Variants in ZBTB18 observed in about 807,000 individuals in gnomAD.
ZBTB18 encodes zinc finger and BTB domain-containing protein 18.
ZBTB18 carries 2 observed loss-of-function variants against 37.7 expected under a neutral mutation model. The observed-to-expected ratio is 0.05, with a 90% CI of 0.02 to 0.17. The LOEUF is 0.17. Among genes scored for constraint, ZBTB18 ranks in the 10% least tolerant of loss-of-function variants. ZBTB18 has a pLI of 1.00. For missense variants in ZBTB18, 408 were observed against 686.3 expected, an observed-to-expected ratio of 0.59 and a Z score of 4.53; for synonymous variants, 304 against 276.5, an observed-to-expected ratio of 1.10 and a Z score of -0.99.
chr1:244,051,596 A>T (rs1198447047), intron 1 of ZBTB18, 152 bp downstream of exon 1: 1 of 848,438 alleles, frequency 1.2e-6, no homozygotes, highest in Non-Finnish European at 1.8e-6. Context: ...GAAAGTCTTG[A>T]GCTTGTTTAG....
chr1:244,048,669 C>A (rs1698284271), upstream of ZBTB18, among the ~76,000 whole-genome samples: 2 of 143,468 alleles, frequency 1.4e-5, no homozygotes, highest in Admixed American at 1.4e-4. Flanking sequence ...CCCGGCGGCT[C>A]CGCGCTCGCT....
At position 244,051,378 on chromosome 1, in the gene ZBTB18, G is replaced by C; in HGVS notation, c.-54G>C. 2 of 1,606,182 alleles carry C rather than the reference G, an allele frequency of 1.2e-6. No homozygotes were observed. Among genetic ancestry groups the C allele is most frequent in the Non-Finnish European group, 1.7e-6 (2 of 1,176,652 alleles). On this transcript the variant is annotated 5_prime_UTR_variant, in exon 1 of 2. Coordinates refer to ENST00000358704, the MANE Select transcript of ZBTB18 (RefSeq NM_205768.3). ...TCTCTTAGTCTGCTTTTTTTCCACC[G>C]ATGTAACAGACCTGGAGCCAGCAGG...
chr1:244,052,211 T>C (rs1698369101), intron 1 of ZBTB18, among the ~76,000 whole-genome samples: 2 of 152,210 alleles, frequency 1.3e-5, no homozygotes. Flanking sequence ...CTGGATCAGA[T>C]GTTTATAAGC....
chr1:244,050,346 C>G (rs1698322247), upstream of ZBTB18, among the ~76,000 whole-genome samples: 1 of 152,102 alleles, frequency 6.6e-6, no homozygotes, highest in African/African-American at 2.4e-5. Flanking sequence ...TTAGAAAAGA[C>G]CCACAAACTG....
At position 244,054,926 on chromosome 1, in the gene ZBTB18, C is replaced by T. The variant is rs1385939132; in HGVS notation, c.1152C>T (p.Cys384=). 1.2e-6 allele frequency: 2 copies of T among 1,614,036 alleles called. No individual in the cohort carries two copies. Among genetic ancestry groups the T allele is most frequent in the Non-Finnish European group, 1.7e-6 (2 of 1,180,028 alleles). ...GCCAGATCTTCATGTGCCCCCTGTG[C>T]AACAAGGTCTTCCCCAGCCCCCACA... ...PAGQIFMCPL[C]NKVFPSPHIL... The change falls in exon 2 of 2, where the codon TGC becomes TGT. Residue 384 remains cysteine, a synonymous_variant. Transcript: ENST00000358704. The surrounding 1 kb of genome is among the most constrained non-coding windows in gnomAD (Gnocchi z 9.0).
At chr1:244,049,008 C>G (rs1268135747), upstream of ZBTB18, 1 of 147,930 alleles carries the variant, frequency 6.8e-6, no homozygotes, top group Non-Finnish European at 1.5e-5. Context: ...GTCCCGGCGC[C>G]GGCCCCTGGC....
chr1:244,054,302 G>A lies in ZBTB18; in HGVS notation c.528G>A (p.Leu176=), dbSNP rs201120659. Reference sequence around the variant, plus strand: ...AAGATGAAGGAGAAGATGAAAAATTGAACATCCTGCCCAGCAAAAGGGACT... The same window carrying A: ...AAGATGAAGGAGAAGATGAAAAATTAAACATCCTGCCCAGCAAAAGGGACT... ...SDEDEGEDEK[L]NILPSKRDLA... is the part of the protein sequence containing the mutation. Residue 176 remains leucine, a synonymous_variant, in exon 2 of 2, where the codon TTG becomes TTA. Coordinates refer to ENST00000358704, the MANE Select transcript of ZBTB18 (RefSeq NM_205768.3). This position sits in a 1 kb window ranked among gnomAD's most constrained non-coding sequence, Gnocchi z 9.0. 52 of 1,614,180 alleles carry A rather than the reference G, an allele frequency of 3.2e-5. No homozygotes were observed. The highest frequency in any genetic ancestry group is 2.7e-4 in the East Asian group (12 of 44,862).
Position 244,051,333 on chromosome 1 carries a change from A to G in ZBTB18, c.-99A>G. Reference sequence around the variant, plus strand: ...AGGTATCTCATTCCTCTCTAACATCATCTCCACTTTGCATCTGTCTCTCTT... The same window carrying G: ...AGGTATCTCATTCCTCTCTAACATCGTCTCCACTTTGCATCTGTCTCTCTT... On this transcript the variant is annotated 5_prime_UTR_variant, in exon 1 of 2. Transcript: ENST00000358704. 1 of 1,313,236 alleles carries G rather than the reference A, an allele frequency of 7.6e-7. No individual in the cohort carries two copies. Among genetic ancestry groups the G allele is most frequent in the Non-Finnish European group, 1.1e-6 (1 of 915,802 alleles). 81.3% of individuals were successfully genotyped at this position (1,313,236 alleles called of 1,614,324 possible).
rs1274337034 is a variant in ZBTB18 at position 244,054,191 on chromosome 1, G to A, written c.417G>A (p.Lys139=). ...CCACGGAGGCAGACAGCACCAAAAA[G>A]GAAGAAGATGCTTCAAGTTGTTCGG... ...KATTEADSTK[K]EEDASSCSDK... The change falls in exon 2 of 2, where the codon AAG becomes AAA. Residue 139 remains lysine (K), a synonymous_variant. Coordinates refer to ENST00000358704, the MANE Select transcript of ZBTB18 (RefSeq NM_205768.3). This position sits in a 1 kb window ranked among gnomAD's most constrained non-coding sequence, Gnocchi z 9.0. 6.2e-7 allele frequency: 1 copy of A among 1,614,056 alleles called. No individual in the cohort carries two copies. Among genetic ancestry groups the A allele is most frequent in the African/African-American group, 1.3e-5 (1 of 74,934 alleles).
rs776478480 is a variant in ZBTB18, at chr1:244,054,894, C to A, written c.1120C>A (p.Pro374Thr). The change falls in exon 2 of 2, where the codon CCC (proline) becomes ACC (threonine). Residue 374 changes from proline to threonine, a missense_variant. Physicochemically the swap from Pro to Thr is conservative, Grantham distance 38. Transcript: ENST00000358704. This position sits in a 1 kb window ranked among gnomAD's most constrained non-coding sequence, Gnocchi z 9.0. ...LLPYVSNILS[P>T]AGQIFMCPLC... ...CCCCTACGTCTCCAACATCCTGAGC[C>A]CCGCGGGCCAGATCTTCATGTGCCC... 6 of 1,614,126 alleles carry A rather than the reference C, an allele frequency of 3.7e-6. No homozygotes were observed. The highest frequency in any genetic ancestry group is 5.1e-6 in the Non-Finnish European group (6 of 1,180,038).
In ZBTB18 at chr1:244,056,765, TTAG is replaced by T. The variant is rs1287150862; in HGVS notation, c.*1399_*1401del. ...GCCTTGATTGACATGGGGAAGGGGG[TTAG>T]TAGACTATGTGGATTGCGGCAGCAG... On this transcript the variant is annotated 3_prime_UTR_variant, in exon 2 of 2. Transcript: ENST00000358704. 4 of 151,994 alleles carry T rather than the reference TTAG, an allele frequency of 2.6e-5. No individual in the cohort carries two copies. The highest frequency in any genetic ancestry group is 1.1e-4 in the African/African-American group (4 of 36,638). The allele number at this position is 151,994 out of a possible 1,614,324, so 9.4% of individuals were successfully genotyped here.
upstream of ZBTB18, among the ~76,000 whole-genome samples, chr1:244,049,712 T>G (rs994563993): frequency 6.6e-6 from 1 of 152,192 alleles, no homozygotes; most frequent in Non-Finnish European, 1.5e-5. Context: ...CCCGTGTGTT[T>G]TATGCACGGC....
rs181953360 is a variant in ZBTB18 at position 244,057,248 on chromosome 1, C to T, written c.*1878C>T. ...CAATGTCTGTGAGAAAACGGACTTT[C>T]TTTTGGATTTTCTTTTTGTGGTCAT... On this transcript the variant is annotated 3_prime_UTR_variant, in exon 2 of 2. Transcript: ENST00000358704. The T allele has an allele frequency of 4.2e-5, 7 of 167,068 alleles. No individual in the cohort carries two copies. The highest frequency in any genetic ancestry group is 1.4e-4 in the African/African-American group (6 of 41,542). The allele number at this position is 167,068 out of a possible 1,614,324, so 10.3% of individuals were successfully genotyped here.
rs181192110 is a variant in ZBTB18, at chr1:244,051,479, C to G, written c.13+35C>G. The G allele has an allele frequency of 1.4e-4, 226 of 1,612,556 alleles. 1 individual carries two copies. In the African/African-American group the frequency reaches 2.9e-3, roughly 20 times the overall value. On this transcript the variant is annotated intron_variant, in intron 1 of 1. Transcript: ENST00000358704. ...GCAAGAGATTAGATTGAGCATATTT[C>G]TGTTTTGGTGTTTTGTTTATTTAAT... is the stretch of plus-strand genomic sequence containing the variant.
Position 244,051,391 on chromosome 1 carries a change from T to C in ZBTB18, c.-41T>C. On this transcript the variant is annotated 5_prime_UTR_variant, in exon 1 of 2. Coordinates refer to ENST00000358704, the MANE Select transcript of ZBTB18 (RefSeq NM_205768.3). Reference sequence around the variant, plus strand: ...TTTTTTTCCACCGATGTAACAGACCTGGAGCCAGCAGGACTCAGAGGAAAG... The same window carrying C: ...TTTTTTTCCACCGATGTAACAGACCCGGAGCCAGCAGGACTCAGAGGAAAG... The C allele has an allele frequency of 6.2e-7, 1 of 1,613,382 alleles. No individual in the cohort carries two copies. The highest frequency in any genetic ancestry group is 8.5e-7 in the Non-Finnish European group (1 of 1,179,750).
chr1:244,051,291 C>A lies in ZBTB18; in HGVS notation c.-141C>A. 1 of 830,172 alleles carries A rather than the reference C, an allele frequency of 1.2e-6. No individual in the cohort carries two copies. Among genetic ancestry groups the A allele is most frequent in the Non-Finnish European group, 1.9e-6 (1 of 514,928 alleles). The allele number at this position is 830,172 out of a possible 1,614,324, so 51.4% of individuals were successfully genotyped here. ...CACACAGACAGGGAGTTAGTGTGTG[C>A]GGATCTGTGGTGGAGAAGGTATCTC... On this transcript the variant is annotated 5_prime_UTR_variant, in exon 1 of 2. Transcript: ENST00000358704.
rs1698463459 is a variant in ZBTB18 at position 244,056,145 on chromosome 1, A to G, written c.*775A>G. 1 of 167,104 alleles carries G rather than the reference A, an allele frequency of 6.0e-6. No homozygotes were observed. The highest frequency in any genetic ancestry group is 1.5e-5 in the Non-Finnish European group (1 of 68,118). 10.4% of individuals were successfully genotyped at this position (167,104 alleles called of 1,614,324 possible). On this transcript the variant is annotated 3_prime_UTR_variant, in exon 2 of 2. Transcript: ENST00000358704. ...TGTTGATGCTCTTAGTTGAGTCTTG[A>G]AAAGTAAATATTAACGCTACAGAAA...
chr1:244,054,452 C>T lies in ZBTB18; in HGVS notation c.678C>T (p.Ser226=). ...AAGKTVASPC[S]STESLSQRSV... is the part of the protein sequence containing the mutation. ...GAAAAACAGTAGCCAGCCCCTGCAG[C>T]TCAACAGAGTCTTTGTCCCAGAGGT... Residue 226 remains serine, a synonymous_variant, in exon 2 of 2, where the codon AGC becomes AGT. Transcript: ENST00000358704. This position sits in a 1 kb window ranked among gnomAD's most constrained non-coding sequence, Gnocchi z 9.0. 1 of 1,614,192 alleles carries T rather than the reference C, an allele frequency of 6.2e-7. No homozygotes were observed. The highest frequency in any genetic ancestry group is 1.3e-5 in the African/African-American group (1 of 75,052).
rs1178275189 is a variant in ZBTB18 at position 244,055,756 on chromosome 1, CT to C, written c.*387del. ...GTTTTTTTTTTTAAGTAGAAATTCC[CT>C]CCAGTTTTATTAGCCTCTTTATATG... On this transcript the variant is annotated 3_prime_UTR_variant, in exon 2 of 2. Coordinates refer to ENST00000358704, the MANE Select transcript of ZBTB18 (RefSeq NM_205768.3). The surrounding 1 kb of genome is among the most constrained non-coding windows in gnomAD (Gnocchi z 7.0). 1.8e-5 allele frequency: 3 copies of C among 166,424 alleles called. No individual in the cohort carries two copies. Among genetic ancestry groups the C allele is most frequent in the African/African-American group, 7.3e-5 (3 of 41,252 alleles). The allele number at this position is 166,424 out of a possible 1,614,324, so 10.3% of individuals were successfully genotyped here.
Sources: gnomAD v4.1 joint callset for allele counts (sites outside exome capture counted in the v4.1 genomes callset) on GRCh38, gnomAD v4.1.1 for gene constraint, Gnocchi (gnomAD v3.1) non-coding constraint, MANE v1.5 for transcripts, NCBI Gene and HGNC (gene_info 2026-07-23, HGNC 2026-07-21) for gene names.